The following ARRDC4 variants were observed in gnomAD, a reference collection of about 807,000 sequenced individuals.
The protein encoded by ARRDC4 is arrestin domain-containing protein 4.
Under a neutral mutation model 44.6 loss-of-function variants are expected in ARRDC4, and 40 were observed. The ratio of observed to expected loss-of-function variants is 0.90; its 90% CI spans 0.70 to 1.17. The LOEUF is 1.17. Among genes scored for constraint, ARRDC4 ranks in the 50% most tolerant of loss-of-function variants. The probability of loss-of-function intolerance (pLI) is 0.00; values close to 1 mark genes in which losing one functional copy is unlikely to be tolerated. For synonymous variants in ARRDC4, 211 were observed against 221.2 expected (o/e 0.95, Z 0.41); for missense variants, 550 against 559.1 (o/e 0.98, Z 0.16).
Position 97,961,154 on chromosome 15 carries a change from G to C in ARRDC4, c.293G>C (p.Arg98Pro), listed in dbSNP as rs865859706. Residue 98 changes from arginine (R) to proline (P), a missense_variant, in exon 1 of 8, where the codon CGG becomes CCG. Coordinates refer to ENST00000268042, the MANE Select transcript of ARRDC4 (RefSeq NM_183376.3). Reference protein sequence around the residue: ...VEYLNVRLSLREPPAGEGIIL... With the variant: ...VEYLNVRLSLPEPPAGEGIIL... ...TACCTGAACGTGCGCCTCAGCCTGC[G>C]GGAGCCCCCGGCCGGTAAGCGCAGG... The C allele has an allele frequency of 3.5e-6, 5 of 1,439,032 alleles. No homozygotes were observed. Among genetic ancestry groups the C allele is most frequent in the Middle Eastern group, 2.5e-4 (1 of 3,962 alleles). 89.1% of individuals were successfully genotyped at this position (1,439,032 alleles called of 1,614,324 possible). A position where few individuals can be genotyped will look rare whatever the true frequency, so the allele number is the denominator to read the frequency against.
Position 97,960,882 on chromosome 15 carries a change from C to G in ARRDC4, c.21C>G (p.Cys7Trp), listed in dbSNP as rs913520544. Residue 7 changes from cysteine (C) to tryptophan (W), a missense_variant, in exon 1 of 8, where the codon TGC becomes TGG. By Grantham distance (215) the Cys-to-Trp change is radical. Transcript: ENST00000268042. MGGEAG[C>W]AAAVGAEGRV... ...GCGGGATGGGCGGGGAGGCTGGGTGCGCGGCGGCCGTGGGTGCCGAGGGCC... is the reference window on the plus strand; with the variant it reads ...GCGGGATGGGCGGGGAGGCTGGGTGGGCGGCGGCCGTGGGTGCCGAGGGCC... The G allele has an allele frequency of 7.2e-7, 1 of 1,387,690 alleles. No homozygotes were observed. Among genetic ancestry groups the G allele is most frequent in the Non-Finnish European group, 9.4e-7 (1 of 1,061,902 alleles). The allele number at this position is 1,387,690 out of a possible 1,614,324, so 86.0% of individuals were successfully genotyped here.
chr15:97,969,990 C>A lies in ARRDC4; in HGVS notation c.990C>A (p.Ser330Arg), dbSNP rs1294252840. ...GFGSRNSSIASQFSMDMSWLT... is the reference protein window; with the variant it reads ...GFGSRNSSIARQFSMDMSWLT... ...GCAGCAGAAACTCCAGCATTGCCAGCCAGTTCAGTATGGATATGAGCTGGT... is the reference window on the plus strand; with the variant it reads ...GCAGCAGAAACTCCAGCATTGCCAGACAGTTCAGTATGGATATGAGCTGGT... Residue 330 changes from serine to arginine, a missense_variant, in exon 6 of 8, where the codon AGC (serine) becomes AGA (arginine). Transcript: ENST00000268042. The A allele has an allele frequency of 1.2e-6, 2 of 1,613,200 alleles. No homozygotes were observed. Among genetic ancestry groups the A allele is most frequent in the Non-Finnish European group, 1.7e-6 (2 of 1,179,500 alleles).
rs1395834496 is a variant in ARRDC4, at chr15:97,968,311, CTGT to C, written c.625+197_625+199del. ...GGAGGAATTGTTTCCAGTCAAACTCCTGTTTTTTTTCTGACTTCAATCCTGTTA... is the reference window on the plus strand; with the variant it reads ...GGAGGAATTGTTTCCAGTCAAACTCCTTTTTTTCTGACTTCAATCCTGTTA... On this transcript the variant is annotated intron_variant, in intron 4 of 7. Transcript: ENST00000268042. This position sits in a 1 kb window ranked among gnomAD's most constrained non-coding sequence, Gnocchi z 5.4. 6.6e-6 allele frequency among the ~76,000 whole-genome samples: 1 copy of C among 151,856 alleles called. No individual in the cohort carries two copies. Among genetic ancestry groups the C allele is most frequent in the Non-Finnish European group, 1.5e-5 (1 of 67,964 alleles).
chr15:97,963,141 C>T (rs1437475776), intron 1 of ARRDC4, among the ~76,000 whole-genome samples: 1 of 152,314 alleles, frequency 6.6e-6, no homozygotes, highest in African/African-American at 2.4e-5. Flanking sequence ...TAATGGTCTT[C>T]TGCATCCCAC....
chr15:97,971,100 A>G lies in ARRDC4; in HGVS notation c.1201-31A>G, dbSNP rs184905107. On this transcript the variant is annotated intron_variant, in intron 7 of 7. Transcript: ENST00000268042. ...TAGAATCGTTTTAAATAATGCTACA[A>G]CACTAATCTCAGTCCGCTCTTTTTT... is the stretch of plus-strand genomic sequence containing the variant. The G allele has an allele frequency of 1.7e-5, 27 of 1,609,308 alleles. No individual in the cohort carries two copies. In the African/African-American group the frequency reaches 2.0e-4, roughly 12 times the overall value.
chr15:97,966,066 C>CTCCTCCTTT lies in ARRDC4; in HGVS notation c.522+33_522+41dup. ...TAGTAAGTTCTTCCTTTTTCTCTTC[C>CTCCTCCTTT]TCCTCCTTTTCCTCCTTCCCTCCCT... On this transcript the variant is annotated intron_variant, in intron 3 of 7. Transcript: ENST00000268042. This position sits in a 1 kb window ranked among gnomAD's most constrained non-coding sequence, Gnocchi z 4.7. 1 of 1,612,048 alleles carries CTCCTCCTTT rather than the reference C, an allele frequency of 6.2e-7. No homozygotes were observed. The highest frequency in any genetic ancestry group is 8.5e-7 in the Non-Finnish European group (1 of 1,178,734).
intron 5 of ARRDC4, 94 bp downstream of exon 5, chr15:97,969,473 CATTTT>C (rs1899471919): frequency 1.4e-6 from 2 of 1,386,590 alleles, no homozygotes; most frequent in Admixed American, 4.1e-5. Flanking sequence ...ATAAAAATGT[CATTTT>C]ATTTCAGCAT....
Position 97,965,482 on chromosome 15 carries a change from T to G in ARRDC4, c.308-118T>G. 1.2e-6 allele frequency: 1 copy of G among 802,382 alleles called. No individual in the cohort carries two copies. Among genetic ancestry groups the G allele is most frequent in the Non-Finnish European group, 2.1e-6 (1 of 473,342 alleles). The allele number at this position is 802,382 out of a possible 1,614,324, so 49.7% of individuals were successfully genotyped here. On this transcript the variant is annotated intron_variant, in intron 1 of 7. Coordinates refer to ENST00000268042, the MANE Select transcript of ARRDC4 (RefSeq NM_183376.3). This position sits in a 1 kb window ranked among gnomAD's most constrained non-coding sequence, Gnocchi z 5.1. Reference sequence around the variant, plus strand: ...TTCTCTACATTTGTTTAATGAACTTTTGGAGTATGCTGCATTTTGTAGCGA... The same window carrying G: ...TTCTCTACATTTGTTTAATGAACTTGTGGAGTATGCTGCATTTTGTAGCGA...
rs1204128925 is a variant in ARRDC4, at chr15:97,965,210, C to T, written c.308-390C>T. Among the ~76,000 whole-genome samples, 9 of 152,066 alleles carry T rather than the reference C, an allele frequency of 5.9e-5. No individual in the cohort carries two copies. The highest frequency in any genetic ancestry group is 1.3e-4 in the Admixed American group (2 of 15,266). On this transcript the variant is annotated intron_variant, in intron 1 of 7. Transcript: ENST00000268042. The surrounding 1 kb of genome is among the most constrained non-coding windows in gnomAD (Gnocchi z 5.1). The stretch of plus-strand genomic sequence containing the variant: ...CTTTGGGAGTCCAAGGTGGGAGAAT[C>T]GTTTGAGGCCAGGAGTTCGAGACCA...
rs745659349 is a variant in ARRDC4 at position 97,970,662 on chromosome 15, T to G, written c.1119T>G (p.Pro373=). Residue 373 remains proline (P), a synonymous_variant, in exon 7 of 8, where the codon CCT becomes CCG. Coordinates refer to ENST00000268042, the MANE Select transcript of ARRDC4 (RefSeq NM_183376.3). This position sits in a 1 kb window ranked among gnomAD's most constrained non-coding sequence, Gnocchi z 4.2. ...SRHIPPYPQP[P]NCEGEVCCPV... ...ACATTCCTCCTTACCCTCAACCCCC[T>G]AACTGTGAGGGAGAAGTGTGCTGTC... 2 of 1,613,110 alleles carry G rather than the reference T, an allele frequency of 1.2e-6. No individual in the cohort carries two copies. Among genetic ancestry groups the G allele is most frequent in the South Asian group, 2.2e-5 (2 of 91,050 alleles).
In ARRDC4 at chr15:97,969,309, C is replaced by T. The variant is rs767572683; in HGVS notation, c.812C>T (p.Thr271Met). 1.4e-5 allele frequency: 22 copies of T among 1,613,736 alleles called. No individual in the cohort carries two copies. Among genetic ancestry groups the T allele is most frequent in the Admixed American group, 1.7e-5 (1 of 59,938 alleles). Reference sequence around the variant, plus strand: ...AGCACAGACACATGGAATGGGAAAACGCTAAAAATCCCACCTGTTACTCCA... The same window carrying T: ...AGCACAGACACATGGAATGGGAAAATGCTAAAAATCCCACCTGTTACTCCA... The part of the protein sequence containing the change: ...SGSTDTWNGK[T>M]LKIPPVTPSI... Residue 271 changes from threonine (T) to methionine (M), a missense_variant, in exon 5 of 8, where the codon ACG becomes ATG. Thr to Met is a moderately conservative substitution (Grantham distance 81, BLOSUM62 -1). Transcript: ENST00000268042.
At chr15:97,963,745 C>T (rs1899366196) in intron 1 of ARRDC4, among the ~76,000 whole-genome samples, 2 of 152,214 alleles carry the variant, frequency 1.3e-5, no homozygotes, top group African/African-American at 4.8e-5. Context: ...TCTGCGGTGC[C>T]TGAAATCTAA....
rs1899450030 is a variant in ARRDC4, at chr15:97,968,141, A to G, written c.625+25A>G. 1 of 1,417,390 alleles carries G rather than the reference A, an allele frequency of 7.1e-7. No homozygotes were observed. The highest frequency in any genetic ancestry group is 9.6e-7 in the Non-Finnish European group (1 of 1,043,412). 87.8% of individuals were successfully genotyped at this position (1,417,390 alleles called of 1,614,324 possible). A position where few individuals can be genotyped will look rare whatever the true frequency, so the allele number is the denominator to read the frequency against. ...GGTAAGCAAAATGCTTGAAAGTCCA[A>G]ATGAAAGATTTCATTCATTTTCTTA... is the stretch of plus-strand genomic sequence containing the variant. On this transcript the variant is annotated intron_variant, in intron 4 of 7. Coordinates refer to ENST00000268042, the MANE Select transcript of ARRDC4 (RefSeq NM_183376.3). This position sits in a 1 kb window ranked among gnomAD's most constrained non-coding sequence, Gnocchi z 5.4.
rs561922357 is a variant in ARRDC4, at chr15:97,965,019, T to C, written c.308-581T>C. Among the ~76,000 whole-genome samples, 845 of 146,870 alleles carry C rather than the reference T, an allele frequency of 5.8e-3. 10 individuals carry two copies. In the Middle Eastern group the frequency reaches 0.063, roughly 11 times the overall value. ...ACATACACACACACACACACACACA[T>C]ATACATATCCATATACACATATATA... On this transcript the variant is annotated intron_variant, in intron 1 of 7. Coordinates refer to ENST00000268042, the MANE Select transcript of ARRDC4 (RefSeq NM_183376.3). This position sits in a 1 kb window ranked among gnomAD's most constrained non-coding sequence, Gnocchi z 5.1.
Position 97,965,589 on chromosome 15 carries a change from A to G in ARRDC4, c.308-11A>G. 2.5e-6 allele frequency: 4 copies of G among 1,595,828 alleles called. No homozygotes were observed. The highest frequency in any genetic ancestry group is 2.2e-5 in the East Asian group (1 of 44,770). ...CTATCCTTCATTAAAATAAAATACA[A>G]TCTCTTATAGGTGAAGGCATCATTT... On this transcript the variant is annotated splice_polypyrimidine_tract_variant and intron_variant, in intron 1 of 7. Coordinates refer to ENST00000268042, the MANE Select transcript of ARRDC4 (RefSeq NM_183376.3). The surrounding 1 kb of genome is among the most constrained non-coding windows in gnomAD (Gnocchi z 5.1).
In ARRDC4 at chr15:97,970,192, T is replaced by C. The variant is rs1386990992; in HGVS notation, c.1045+147T>C. 3.1e-6 allele frequency: 3 copies of C among 976,226 alleles called. No individual in the cohort carries two copies. The African/African-American group carries it at 4.9e-5, about 16-fold the overall frequency. 60.5% of individuals were successfully genotyped at this position (976,226 alleles called of 1,614,324 possible). A position where few individuals can be genotyped will look rare whatever the true frequency, so the allele number is the denominator to read the frequency against. ...CTACTACTAAAAAATCAGAAAGCAT[T>C]AGTCCTGGGAGGGACTTTGAAAGTT... On this transcript the variant is annotated intron_variant, in intron 6 of 7. Transcript: ENST00000268042. The surrounding 1 kb of genome is among the most constrained non-coding windows in gnomAD (Gnocchi z 4.2).
In ARRDC4 at chr15:97,970,473, G is replaced by A. The variant is rs1364829216; in HGVS notation, c.1046-116G>A. 3 of 1,105,428 alleles carry A rather than the reference G, an allele frequency of 2.7e-6. No individual in the cohort carries two copies. In the South Asian group the frequency reaches 5.0e-5, roughly 18 times the overall value. The allele number at this position is 1,105,428 out of a possible 1,614,324, so 68.5% of individuals were successfully genotyped here. A position where few individuals can be genotyped will look rare whatever the true frequency, so the allele number is the denominator to read the frequency against. ...TGCATAAAACCTTGCTGATTAGAGG[G>A]AAAGAATGCCATATTTTTTATCTTC... On this transcript the variant is annotated intron_variant, in intron 6 of 7. Coordinates refer to ENST00000268042, the MANE Select transcript of ARRDC4 (RefSeq NM_183376.3). The surrounding 1 kb of genome is among the most constrained non-coding windows in gnomAD (Gnocchi z 4.2).
chr15:97,962,414 C>T (rs1899338231), intron 1 of ARRDC4, among the ~76,000 whole-genome samples: 1 of 152,140 alleles, frequency 6.6e-6, no homozygotes. Flanking sequence ...ATACAATTTG[C>T]AAGATGGCCG....
intron 7 of ARRDC4, 124 bp from the exon 8 acceptor site, chr15:97,971,007 A>G: frequency 9.0e-7 from 1 of 1,109,464 alleles, no homozygotes; most frequent in South Asian, 1.4e-5. Flanking sequence ...GAACTTAAGC[A>G]CCTTCTGGGA....
Sources: gnomAD v4.1 joint callset for allele counts (sites outside exome capture counted in the v4.1 genomes callset) on GRCh38, gnomAD v4.1.1 for gene constraint, Gnocchi (gnomAD v3.1) non-coding constraint, MANE v1.5 for transcripts, NCBI Gene and HGNC (gene_info 2026-07-23, HGNC 2026-07-21) for gene names.